The following EDC3 variants were observed in gnomAD, a reference collection of about 807,000 sequenced individuals.
EDC3 encodes enhancer of mRNA decapping 3.
A neutral mutation model predicts 41.8 loss-of-function variants in EDC3; 20 were observed. The ratio of observed to expected loss-of-function variants is 0.48; its 90% confidence interval spans 0.34 to 0.70. The LOEUF (loss-of-function observed/expected upper bound fraction) is 0.70, where lower values mean the gene tolerates loss of function less well. Ranked by LOEUF, EDC3 falls within the 30% of genes least tolerant of loss-of-function variation. The probability of loss-of-function intolerance (pLI) is 0.01; values close to 1 mark genes in which losing one functional copy is unlikely to be tolerated. For missense variants in EDC3, 444 were observed against 636.8 expected (o/e 0.70, Z 3.26); for synonymous variants, 206 against 243.2 (o/e 0.85, Z 1.42).
chr15:74,687,426 T>C (rs374498187), intron 1 of EDC3, among the ~76,000 whole-genome samples: 1 of 152,138 alleles, frequency 6.6e-6, no homozygotes, highest in Non-Finnish European at 1.5e-5. Context: ...CAGGCTAGAG[T>C]GCAGTGGCGC....
intron 3 of EDC3, among the ~76,000 whole-genome samples, chr15:74,659,589 G>A (rs762065619): frequency 4.2e-4 from 64 of 151,050 alleles, no homozygotes; most frequent in Non-Finnish European, 7.7e-4. Flanking sequence ...TGGATGAGAT[G>A]GGCTGGGTAC....
At chr15:74,635,370 GGGA>G (rs771533716) in intron 6 of EDC3, 36 bp downstream of exon 6, 23 of 1,589,264 alleles carry the variant, frequency 1.4e-5, no homozygotes, top group Non-Finnish European at 1.8e-5. Context: ...CTGCTAAGGA[GGGA>G]GGAGGCCTTC....
At chr15:74,654,924 CA>C (rs2141613502) in intron 4 of EDC3, among the ~76,000 whole-genome samples, 1 of 152,242 alleles carries the variant, frequency 6.6e-6, no homozygotes, top group African/African-American at 2.4e-5. Flanking sequence ...ATATTATACT[CA>C]ATTCCTTCTC....
chr15:74,691,356 T>C (rs1320135348), intron 1 of EDC3, among the ~76,000 whole-genome samples: 4 of 152,164 alleles, frequency 2.6e-5, no homozygotes, highest in Non-Finnish European at 5.9e-5. Flanking sequence ...ACTATATGGA[T>C]TATTTTAAGA....
intron 4 of EDC3, chr15:74,641,762 G>A (rs1378582161): frequency 6.5e-6 from 1 of 153,166 alleles, no homozygotes; most frequent in Non-Finnish European, 1.5e-5. Context: ...ACTGTCAACT[G>A]CCTGAGGTAA....
At chr15:74,660,777 CTATT>C (rs2141626247) in intron 3 of EDC3, among the ~76,000 whole-genome samples, 1 of 152,098 alleles carries the variant, frequency 6.6e-6, no homozygotes, top group Non-Finnish European at 1.5e-5. Context: ...ACGGAATATT[CTATT>C]TATTTTTATT....
At chr15:74,640,383 G>T in intron 5 of EDC3, 83 bp downstream of exon 5, 3 of 1,455,224 alleles carry the variant, frequency 2.1e-6, no homozygotes, top group Non-Finnish European at 2.8e-6. Flanking sequence ...GAACTCGTAT[G>T]TGTGTATGGG....
intron 1 of EDC3, among the ~76,000 whole-genome samples, chr15:74,683,584 T>C (rs1426914977): frequency 6.6e-6 from 1 of 152,062 alleles, no homozygotes; most frequent in Non-Finnish European, 1.5e-5. Context: ...ACCATATCAA[T>C]GTCAATATCC....
intron 1 of EDC3, among the ~76,000 whole-genome samples, chr15:74,691,635 C>G (rs1330854881): frequency 6.6e-6 from 1 of 152,164 alleles, no homozygotes; most frequent in African/African-American, 2.4e-5. Flanking sequence ...CCATGCTACT[C>G]TCATAAACCT....
intron 4 of EDC3, among the ~76,000 whole-genome samples, chr15:74,651,284 G>A (rs1219134429): frequency 2.6e-5 from 4 of 152,234 alleles, no homozygotes; most frequent in Non-Finnish European, 4.4e-5. Flanking sequence ...GCAGGCCCAA[G>A]CTAGAGAAAT....
chr15:74,669,696 AAG>A (rs1487898877), intron 3 of EDC3, among the ~76,000 whole-genome samples: 1 of 152,172 alleles, frequency 6.6e-6, no homozygotes, highest in Admixed American at 6.5e-5. Context: ...CAATGGTAGC[AAG>A]AAGTATCCGG....
chr15:74,673,870 CATT>C (rs2062770721), intron 2 of EDC3, among the ~76,000 whole-genome samples: 1 of 148,890 alleles, frequency 6.7e-6, no homozygotes, highest in Non-Finnish European at 1.5e-5. Context: ...TTTGAGGTCT[CATT>C]AACATATAGA....
At chr15:74,675,253 T>C (rs556445726) in intron 1 of EDC3, 111 bp from the exon 2 acceptor site, 2 of 985,840 alleles carry the variant, frequency 2.0e-6, no homozygotes, top group Admixed American at 2.3e-5. Flanking sequence ...AAACATATTC[T>C]ATCACATTGT....
Position 74,635,390 on chromosome 15 carries a change from G to A in EDC3, c.1192+19C>T, listed in dbSNP as rs2062259746. On this transcript the variant is annotated intron_variant, in intron 6 of 6. Transcript: ENST00000315127. The stretch of plus-strand genomic sequence containing the variant: ...AAGGAGGGAGGAGGCCTTCAGCCCA[G>A]CCCTGCCTAAGTGCTCACCTTTGAG... 1.9e-6 allele frequency: 3 copies of A among 1,612,594 alleles called. No homozygotes were observed. In the East Asian group the frequency reaches 6.7e-5, roughly 36 times the overall value.
At chr15:74,676,954 C>T (rs1459474650) in intron 1 of EDC3, 1 of 152,086 alleles carries the variant, frequency 6.6e-6, no homozygotes, top group Non-Finnish European at 1.5e-5. Context: ...TCAGAATGGC[C>T]GAAATCCAAA....
At position 74,648,353 on chromosome 15, in the gene EDC3, C is replaced by G. The variant is rs538248794; in HGVS notation, c.820+7380G>C. The stretch of plus-strand genomic sequence containing the variant: ...GAAGCAGAGGAAGGCAGCTACGGCT[C>G]AGAGGCAGGAATGGAATGCCAGCTG... On this transcript the variant is annotated intron_variant, in intron 4 of 6. Coordinates refer to ENST00000315127, the MANE Select transcript of EDC3 (RefSeq NM_025083.5). 2.0e-5 allele frequency among the ~76,000 whole-genome samples: 3 copies of G among 152,306 alleles called. No homozygotes were observed. The South Asian group carries it at 6.2e-4, about 32-fold the overall frequency.
At chr15:74,661,859 T>A (rs2062625374) in intron 3 of EDC3, among the ~76,000 whole-genome samples, 1 of 152,134 alleles carries the variant, frequency 6.6e-6, no homozygotes, top group Non-Finnish European at 1.5e-5. Context: ...GTATTCCTTT[T>A]TAAAAATAAT....
intron 2 of EDC3, 120 bp downstream of exon 2, chr15:74,674,841 C>A: frequency 8.5e-7 from 1 of 1,179,002 alleles, no homozygotes; most frequent in Non-Finnish European, 1.2e-6. Flanking sequence ...ACAGTGAAAC[C>A]CCATCTCTAC....
chr15:74,630,651 G>A lies in EDC3; in HGVS notation c.*1961C>T, dbSNP rs11547808. 4,743 of 152,386 alleles carry A rather than the reference G, an allele frequency of 0.031. 159 individuals carry two copies. Among genetic ancestry groups the A allele is most frequent in the African/African-American group, 0.082 (3,427 of 41,552 alleles). 9.4% of individuals were successfully genotyped at this position (152,386 alleles called of 1,614,324 possible). A position where few individuals can be genotyped will look rare whatever the true frequency, so the allele number is the denominator to read the frequency against. ...TTCACCACGTGACTGGGGGCCCCTT[G>A]GGAACTGGGTACTATGGGCAGGATG... On this transcript the variant is annotated 3_prime_UTR_variant, in exon 7 of 7. Coordinates refer to ENST00000315127, the MANE Select transcript of EDC3 (RefSeq NM_025083.5).
Sources: gnomAD v4.1 joint callset for allele counts (sites outside exome capture counted in the v4.1 genomes callset) on GRCh38, gnomAD v4.1.1 for gene constraint, MANE v1.5 for transcripts, NCBI Gene and HGNC (gene_info 2026-07-23, HGNC 2026-07-21) for gene names.